The following VRK1 variants were observed in gnomAD, a reference collection of about 807,000 sequenced individuals.
VRK1 encodes serine/threonine-protein kinase VRK1.
A neutral mutation model predicts 57.1 loss-of-function variants in VRK1; 33 were observed. The ratio of observed to expected loss-of-function variants is 0.58; its 90% CI spans 0.44 to 0.77. The LOEUF is 0.77. VRK1 is among the 30% of genes least tolerant of loss of function. The pLI is 0.00. For synonymous variants in VRK1, 137 were observed against 147.8 expected, an observed-to-expected ratio of 0.93 and a Z score of 0.53; for missense variants, 413 against 477.3, an observed-to-expected ratio of 0.87 and a Z score of 1.25.
chr14:96,799,878 G>C (rs1885588568), intron 1 of VRK1, among the ~76,000 whole-genome samples: 2 of 151,906 alleles, frequency 1.3e-5, no homozygotes, highest in East Asian at 3.9e-4. Flanking sequence ...AATTGTGCTA[G>C]GTGCAAAGTC....
At chr14:96,842,478 G>A (rs1330958030) in intron 3 of VRK1, among the ~76,000 whole-genome samples, 1 of 152,122 alleles carries the variant, frequency 6.6e-6, no homozygotes, top group East Asian at 1.9e-4. Context: ...TTCTAAAAAA[G>A]CAGGATACAA....
chr14:96,807,985 C>G (rs1885953859), intron 1 of VRK1, among the ~76,000 whole-genome samples: 1 of 56,204 alleles, frequency 1.8e-5, no homozygotes, highest in Non-Finnish European at 4.2e-5. Flanking sequence ...CTGTCTCTCT[C>G]CCTCTCTCCC....
chr14:96,844,910 G>A (rs995567872), intron 3 of VRK1, among the ~76,000 whole-genome samples: 7 of 152,170 alleles, frequency 4.6e-5, no homozygotes, highest in Non-Finnish European at 1.0e-4. Flanking sequence ...GAGATAATTA[G>A]AGCAGAGAGT....
intron 7 of VRK1, among the ~76,000 whole-genome samples, chr14:96,854,479 A>G (rs554833710): frequency 1.3e-5 from 2 of 152,138 alleles, no homozygotes; most frequent in Non-Finnish European, 2.9e-5. Flanking sequence ...TGCATTTGTG[A>G]CATTTACTCA....
intron 1 of VRK1, among the ~76,000 whole-genome samples, chr14:96,821,179 A>C (rs1423821004): frequency 6.6e-6 from 1 of 152,252 alleles, no homozygotes; most frequent in East Asian, 1.9e-4. Flanking sequence ...TAAAGGTTGC[A>C]TTTCCTTCAT....
At chr14:96,872,789 A>G (rs559645148) in intron 11 of VRK1, among the ~76,000 whole-genome samples, 11 of 152,328 alleles carry the variant, frequency 7.2e-5, no homozygotes, top group African/African-American at 2.6e-4. Context: ...GTTTGCTGTA[A>G]CCTTCATAGA....
intron 1 of VRK1, among the ~76,000 whole-genome samples, chr14:96,822,313 T>C (rs1886634984): frequency 6.6e-6 from 1 of 152,194 alleles, no homozygotes; most frequent in Non-Finnish European, 1.5e-5. Flanking sequence ...ATTGTAATAA[T>C]GTAGAATTCC....
intron 11 of VRK1, among the ~76,000 whole-genome samples, chr14:96,866,712 G>T (rs1396265940): frequency 1.3e-5 from 2 of 152,128 alleles, no homozygotes; most frequent in Non-Finnish European, 2.9e-5. Flanking sequence ...TAGACTGGGG[G>T]CCACTGGTGA....
intron 5 of VRK1, among the ~76,000 whole-genome samples, chr14:96,850,233 C>T (rs1887894458): frequency 6.6e-6 from 1 of 152,136 alleles, no homozygotes; most frequent in South Asian, 2.1e-4. Flanking sequence ...ATTCTTCCAG[C>T]CCCCTTCCAT....
chr14:96,816,799 A>G (rs1437828937), intron 1 of VRK1, among the ~76,000 whole-genome samples: 1 of 152,170 alleles, frequency 6.6e-6, no homozygotes, highest in East Asian at 1.9e-4. Flanking sequence ...GAACAGTGGC[A>G]CTCAAAGAGA....
chr14:96,837,777 C>T lies in VRK1; in HGVS notation c.176C>T (p.Ser59Leu), dbSNP rs1474265077. ...TTTTAAACAGCTGATATGAATTCTT[C>T]AGAGTCAGTTGGCAGTGATGCACCT... is the stretch of plus-strand genomic sequence containing the variant. ...GCIYLADMNSSESVGSDAPCV... is the reference protein window; with the variant it reads ...GCIYLADMNSLESVGSDAPCV... The change falls in exon 3 of 13, where the codon TCA becomes TTA. Residue 59 changes from serine (S) to leucine (L), a missense_variant. This residue lies in a region of VRK1 where 116 missense variants were observed against 113.6 expected (regional missense o/e 1.02). Coordinates refer to ENST00000216639, the MANE Select transcript of VRK1 (RefSeq NM_003384.3). 21 of 1,565,460 alleles carry T rather than the reference C, an allele frequency of 1.3e-5. No homozygotes were observed. The highest frequency in any genetic ancestry group is 1.7e-5 in the Non-Finnish European group (20 of 1,154,932).
intron 1 of VRK1, among the ~76,000 whole-genome samples, chr14:96,830,394 C>T (rs28441262): frequency 0.015 from 2,185 of 150,042 alleles, 55 homozygotes; most frequent in African/African-American, 0.05. Flanking sequence ...TGTTTTTTTC[C>T]TTTTCACTTT....
intron 1 of VRK1, among the ~76,000 whole-genome samples, chr14:96,813,463 C>A (rs887535543): frequency 3.9e-5 from 6 of 151,972 alleles, no homozygotes; most frequent in Non-Finnish European, 7.4e-5. Context: ...ATTTTCTTAG[C>A]TTTTTTCATA....
chr14:96,837,003 G>A (rs1171758624), intron 2 of VRK1, among the ~76,000 whole-genome samples: 1 of 152,040 alleles, frequency 6.6e-6, no homozygotes, highest in Non-Finnish European at 1.5e-5. Context: ...GTCCTCTATA[G>A]CACTTCACAC....
intron 3 of VRK1, among the ~76,000 whole-genome samples, chr14:96,843,571 A>T (rs1013864079): frequency 6.6e-6 from 1 of 152,224 alleles, no homozygotes; most frequent in Non-Finnish European, 1.5e-5. Flanking sequence ...ATTGAAATAT[A>T]TCACATTTTA....
chr14:96,842,745 T>C (rs1035795361), intron 3 of VRK1, among the ~76,000 whole-genome samples: 3 of 152,188 alleles, frequency 2.0e-5, no homozygotes, highest in African/African-American at 7.2e-5. Context: ...TTATTGGTAT[T>C]TTTAGTAAAG....
At chr14:96,875,931 T>C in intron 11 of VRK1, 99 bp from the exon 12 acceptor site, 3 of 1,265,322 alleles carry the variant, frequency 2.4e-6, no homozygotes, top group Non-Finnish European at 3.4e-6. Context: ...CACCCACACC[T>C]ATATACATTT....
intron 5 of VRK1, among the ~76,000 whole-genome samples, chr14:96,850,172 TTAAAAAGAATCATTA>T (rs1334036849): frequency 2.0e-5 from 3 of 152,212 alleles, no homozygotes; most frequent in Non-Finnish European, 4.4e-5. Context: ...GTTGAAGCTC[TTAAAAAGAATCATTA>T]TAGGTCTTAG....
At chr14:96,868,801 CTT>C (rs34215586) in intron 11 of VRK1, among the ~76,000 whole-genome samples, 6,270 of 124,258 alleles carry the variant, frequency 0.05, 122 homozygotes, top group Non-Finnish European at 0.064. Context: ...CATTTCTGTG[CTT>C]TTTTTTTTTT....
Sources: allele counts gnomAD v4.1 joint callset (sites outside exome capture counted in the v4.1 genomes callset), GRCh38; gene constraint gnomAD v4.1.1; regional missense constraint gnomAD v4.1.1; transcripts MANE v1.5; gene names NCBI Gene and HGNC (gene_info 2026-07-23, HGNC 2026-07-21).